The following NTPCR variants were observed in gnomAD, a reference collection of about 807,000 sequenced individuals.
The protein encoded by NTPCR is cancer-related nucleoside-triphosphatase.
NTPCR carries 15 observed loss-of-function variants against 19.5 expected under a neutral mutation model. That is an observed-to-expected ratio of 0.77 (90% CI 0.51 to 1.18). The LOEUF (loss-of-function observed/expected upper bound fraction) is 1.18, where lower values mean the gene tolerates loss of function less well. Ranked by LOEUF, NTPCR falls within the 50% of genes most tolerant of loss-of-function variation. The probability of loss-of-function intolerance (pLI) is 0.00; values close to 1 mark genes in which losing one functional copy is unlikely to be tolerated. For missense variants in NTPCR, 206 were observed against 240.4 expected (o/e 0.86, Z 0.95); for synonymous variants, 90 against 95.8 (o/e 0.94, Z 0.36).
chr1:232,979,271 T>G lies in NTPCR; in HGVS notation c.*1040T>G, dbSNP rs1393548923. On this transcript the variant is annotated 3_prime_UTR_variant, in exon 5 of 5. Transcript: ENST00000366628. This position sits in a 1 kb window ranked among gnomAD's most constrained non-coding sequence, Gnocchi z 5.3. ...TCATTTTTGGTGAAGATCTATGAAT[T>G]TCCAGGATTTTTTTTTAACAAATTA... 1 of 152,066 alleles carries G rather than the reference T, an allele frequency of 6.6e-6. No homozygotes were observed. Among genetic ancestry groups the G allele is most frequent in the African/African-American group, 2.4e-5 (1 of 41,396 alleles). 9.4% of individuals were successfully genotyped at this position (152,066 alleles called of 1,614,324 possible). A position where few individuals can be genotyped will look rare whatever the true frequency, so the allele number is the denominator to read the frequency against.
At chr1:232,970,233 A>T (rs893477656) in intron 4 of NTPCR, 115 bp downstream of exon 4, 2 of 809,142 alleles carry the variant, frequency 2.5e-6, no homozygotes, top group African/African-American at 3.5e-5. Context: ...TTCCATGCTG[A>T]AATGTAGGTG....
chr1:232,963,499 A>AGTTT (rs1314944748), intron 3 of NTPCR: 1 of 152,090 alleles, frequency 6.6e-6, no homozygotes, highest in Non-Finnish European at 1.5e-5. Flanking sequence ...ACTGGGGTTG[A>AGTTT]GTTTGTATAA....
At chr1:232,955,417 A>G (rs910462067) in intron 1 of NTPCR, 140 bp from the exon 2 acceptor site, 2 of 581,858 alleles carry the variant, frequency 3.4e-6, no homozygotes, top group African/African-American at 3.9e-5. Flanking sequence ...ATTGAAGTTC[A>G]TATTCATAAA....
chr1:232,956,503 T>C lies in NTPCR; in HGVS notation c.294+60T>C, dbSNP rs563686369. 2.3e-5 allele frequency: 28 copies of C among 1,197,090 alleles called. No individual in the cohort carries two copies. The East Asian group carries it at 5.9e-4, about 25-fold the overall frequency. The allele number at this position is 1,197,090 out of a possible 1,614,324, so 74.2% of individuals were successfully genotyped here. ...GCTCTTAGTGTATTGTGGGAATTGC[T>C]AGCCATGGAAACAGAATGCCTTTTG... On this transcript the variant is annotated intron_variant, in intron 3 of 4. Coordinates refer to ENST00000366628, the MANE Select transcript of NTPCR (RefSeq NM_032324.3).
At chr1:232,955,870 G>A (rs779530081) in intron 2 of NTPCR, 151 bp downstream of exon 2, 6 of 720,512 alleles carry the variant, frequency 8.3e-6, no homozygotes, top group Non-Finnish European at 1.4e-5. Context: ...GGTTGAGAGT[G>A]TCTCCCTGGG....
rs183375543 is a variant in NTPCR, at chr1:232,956,505, G to C, written c.294+62G>C. 2.5e-3 allele frequency: 2,933 copies of C among 1,187,302 alleles called. 6 individuals carry two copies. The highest frequency in any genetic ancestry group is 3.3e-3 in the Non-Finnish European group (2,644 of 799,500). 73.5% of individuals were successfully genotyped at this position (1,187,302 alleles called of 1,614,324 possible). On this transcript the variant is annotated intron_variant, in intron 3 of 4. Transcript: ENST00000366628. The stretch of plus-strand genomic sequence containing the variant: ...TCTTAGTGTATTGTGGGAATTGCTA[G>C]CCATGGAAACAGAATGCCTTTTGCT...
At chr1:232,954,454 T>C (rs1321454722) in intron 1 of NTPCR, among the ~76,000 whole-genome samples, 2 of 152,236 alleles carry the variant, frequency 1.3e-5, no homozygotes, top group Non-Finnish European at 2.9e-5. Flanking sequence ...CTTGCAGACA[T>C]GCTAGGAGTT....
At chr1:232,967,379 T>C (rs1668851045) in intron 3 of NTPCR, 1 of 152,200 alleles carries the variant, frequency 6.6e-6, no homozygotes, top group African/African-American at 2.4e-5. Context: ...CACAGATTTA[T>C]TTTTGAGATT....
At chr1:232,976,496 C>T in intron 4 of NTPCR, 1 of 1,541,770 alleles carries the variant, frequency 6.5e-7, no homozygotes, top group South Asian at 1.2e-5. Flanking sequence ...TCTGTGTCGC[C>T]TCCTTTCTAC....
chr1:232,966,544 A>C (rs372806168), intron 3 of NTPCR: 340 of 152,298 alleles, frequency 2.2e-3, no homozygotes, highest in African/African-American at 7.8e-3. Flanking sequence ...TAAAGGACCC[A>C]AAAAAATCAC....
At position 232,955,729 on chromosome 1, in the gene NTPCR, T is replaced by C; in HGVS notation, c.197+10T>C. ...CTTTATCGAGAGTTGGGTACTGATA[T>C]TTCATTTCTGTGGTGTTCTATTATC... On this transcript the variant is annotated intron_variant, in intron 2 of 4. Coordinates refer to ENST00000366628, the MANE Select transcript of NTPCR (RefSeq NM_032324.3). 1.2e-6 allele frequency: 2 copies of C among 1,613,086 alleles called. No individual in the cohort carries two copies. The highest frequency in any genetic ancestry group is 2.2e-5 in the East Asian group (1 of 44,858).
intron 3 of NTPCR, chr1:232,964,230 C>T (rs1182582573): frequency 1.3e-5 from 2 of 152,218 alleles, no homozygotes; most frequent in Middle Eastern, 3.4e-3. Context: ...TTTAAAAGAA[C>T]GTTCATCTTT....
At chr1:232,963,694 C>T (rs1337794890) in intron 3 of NTPCR, 1 of 152,034 alleles carries the variant, frequency 6.6e-6, no homozygotes, top group Non-Finnish European at 1.5e-5. Context: ...CTTTTTTTGA[C>T]AATTTTTTTA....
chr1:232,965,115 A>G (rs1431430524), intron 3 of NTPCR: 2 of 152,250 alleles, frequency 1.3e-5, no homozygotes, highest in Non-Finnish European at 2.9e-5. Context: ...TTTTCGAGTA[A>G]TTTAGAGCAA....
intron 2 of NTPCR, 129 bp downstream of exon 2, chr1:232,955,848 G>A (rs1328277783): frequency 9.4e-6 from 8 of 853,036 alleles, no homozygotes; most frequent in African/African-American, 1.7e-5. Flanking sequence ...ATGCCCATCT[G>A]CTTTCCCTTT....
chr1:232,953,386 A>C (rs975463327), intron 1 of NTPCR, among the ~76,000 whole-genome samples: 7 of 152,206 alleles, frequency 4.6e-5, no homozygotes, highest in Non-Finnish European at 1.0e-4. Context: ...TTAACTAATG[A>C]AGAAAAAATT....
At chr1:232,955,780 G>C in intron 2 of NTPCR, 61 bp downstream of exon 2, 2 of 1,543,552 alleles carry the variant, frequency 1.3e-6, no homozygotes, top group Admixed American at 3.4e-5. Context: ...TCTGTGCTTT[G>C]GGAGCTTTTC....
Position 232,955,702 on chromosome 1 carries a change from G to T in NTPCR, c.180G>T (p.Gly60=). The part of the protein sequence containing the change: ...FDVVTLSGTR[G]PLSRVGLEPP... ...TCGTCACGTTGTCCGGCACCCGGGG[G>T]CCTTTATCGAGAGTTGGGTACTGAT... The change falls in exon 2 of 5, where the codon GGG becomes GGT. Residue 60 remains glycine (G), a synonymous_variant. Transcript: ENST00000366628. The T allele has an allele frequency of 1.2e-6, 2 of 1,613,892 alleles. No individual in the cohort carries two copies. Among genetic ancestry groups the T allele is most frequent in the Non-Finnish European group, 1.7e-6 (2 of 1,179,908 alleles).
At chr1:232,954,983 T>C (rs1428924822) in intron 1 of NTPCR, among the ~76,000 whole-genome samples, 6 of 152,186 alleles carry the variant, frequency 3.9e-5, no homozygotes, top group African/African-American at 1.4e-4. Context: ...CCTGATAGGC[T>C]TGCTGTTATG....
Sources: gnomAD v4.1 joint callset for allele counts (sites outside exome capture counted in the v4.1 genomes callset) on GRCh38, gnomAD v4.1.1 for gene constraint, Gnocchi (gnomAD v3.1) non-coding constraint, MANE v1.5 for transcripts, NCBI Gene and HGNC (gene_info 2026-07-23, HGNC 2026-07-21) for gene names.